HACD2: variants seen among roughly 807,000 people sequenced by gnomAD.
The protein encoded by HACD2 is 3-hydroxyacyl-CoA dehydratase 2.
HACD2 carries 15 observed loss-of-function variants against 31.0 expected under a neutral mutation model. That is an observed-to-expected ratio of 0.48 (90% CI 0.32 to 0.75). HACD2 has a LOEUF of 0.75. HACD2 is among the 30% of genes least tolerant of loss of function. The pLI, the probability that HACD2 is intolerant of heterozygous loss-of-function variation, is 0.03. For synonymous variants in HACD2, 115 were observed against 122.2 expected, an observed-to-expected ratio of 0.94 and a Z score of 0.39; for missense variants, 283 against 313.0, an observed-to-expected ratio of 0.90 and a Z score of 0.72.
intron 1 of HACD2, 87 bp downstream of exon 1, chr3:123,584,786 C>T (rs2057009360): frequency 2.7e-6 from 3 of 1,103,128 alleles, no homozygotes; most frequent in Non-Finnish European, 3.6e-6. Flanking sequence ...TGCGGCGGGC[C>T]GCGCCGATCC....
At chr3:123,525,011 A>T (rs2107703337) in intron 4 of HACD2, among the ~76,000 whole-genome samples, 1 of 152,360 alleles carries the variant, frequency 6.6e-6, no homozygotes, top group East Asian at 1.9e-4. Context: ...GTAAACTATA[A>T]CATATCAAAC....
intron 3 of HACD2, among the ~76,000 whole-genome samples, chr3:123,538,560 TAC>T (rs1300034771): frequency 1.3e-5 from 2 of 152,180 alleles, no homozygotes; most frequent in African/African-American, 2.4e-5. Context: ...CAAAACTAAG[TAC>T]AGAGGTGCTT....
intron 4 of HACD2, among the ~76,000 whole-genome samples, chr3:123,517,445 G>T (rs2056151946): frequency 6.6e-6 from 1 of 152,154 alleles, no homozygotes; most frequent in Non-Finnish European, 1.5e-5. Context: ...CATCAGAATG[G>T]AGTCATATTT....
chr3:123,495,008 A>G (rs2055815669), intron 6 of HACD2, 38 bp from the exon 7 acceptor site: 1 of 1,218,084 alleles, frequency 8.2e-7, no homozygotes, highest in African/African-American at 1.5e-5. Context: ...AGGATGGTTT[A>G]AAATTGCATA....
chr3:123,575,574 A>G (rs916402543), intron 2 of HACD2, among the ~76,000 whole-genome samples: 11 of 152,238 alleles, frequency 7.2e-5, no homozygotes, highest in African/African-American at 1.4e-4. Flanking sequence ...ATTTATTTAT[A>G]TAACAGTTAC....
At chr3:123,543,911 T>G (rs1259315768) in intron 3 of HACD2, among the ~76,000 whole-genome samples, 2 of 152,232 alleles carry the variant, frequency 1.3e-5, no homozygotes, top group East Asian at 3.8e-4. Context: ...TTTCCCTTTC[T>G]GTCATTTATA....
At chr3:123,577,409 C>T (rs1386792460) in intron 2 of HACD2, among the ~76,000 whole-genome samples, 1 of 152,120 alleles carries the variant, frequency 6.6e-6, no homozygotes, top group East Asian at 1.9e-4. Context: ...ATCATGAGGT[C>T]AGGAGATCGA....
chr3:123,546,322 C>A (rs907181163), intron 3 of HACD2, among the ~76,000 whole-genome samples: 3 of 152,140 alleles, frequency 2.0e-5, no homozygotes, highest in Non-Finnish European at 1.5e-5. Context: ...CCATCCAAAC[C>A]CTTGTGGCAG....
intron 1 of HACD2, chr3:123,584,591 T>G: frequency 3.6e-6 from 1 of 276,774 alleles, no homozygotes; most frequent in Non-Finnish European, 6.7e-6. Flanking sequence ...AGCCCCACCT[T>G]TCCTCCCGCG....
At chr3:123,571,223 A>AT (rs1405879778) in intron 2 of HACD2, among the ~76,000 whole-genome samples, 3 of 152,228 alleles carry the variant, frequency 2.0e-5, no homozygotes, top group Admixed American at 6.5e-5. Flanking sequence ...TTCTCGTTTC[A>AT]TACCAATGAT....
In HACD2 at chr3:123,493,987, G is replaced by A. The variant is rs1221892101; in HGVS notation, c.*901C>T. 1 of 152,188 alleles carries A rather than the reference G, an allele frequency of 6.6e-6. No individual in the cohort carries two copies. The highest frequency in any genetic ancestry group is 1.5e-5 in the Non-Finnish European group (1 of 68,058). The allele number at this position is 152,188 out of a possible 1,614,324, so 9.4% of individuals were successfully genotyped here. On this transcript the variant is annotated 3_prime_UTR_variant, in exon 7 of 7. Transcript: ENST00000383657. ...CCTTCCATGTGCTTTCACTAACACA[G>A]CCTCCTTTCCTATGTGACTGGATCC...
chr3:123,554,571 A>T (rs1426941008), intron 3 of HACD2, among the ~76,000 whole-genome samples: 1 of 152,190 alleles, frequency 6.6e-6, no homozygotes, highest in Non-Finnish European at 1.5e-5. Flanking sequence ...CAGCAAATAT[A>T]ACAGAGTATG....
intron 3 of HACD2, among the ~76,000 whole-genome samples, chr3:123,551,770 A>C (rs1376773141): frequency 3.9e-5 from 6 of 152,258 alleles, no homozygotes; most frequent in African/African-American, 1.4e-4. Context: ...TCACAGCTGT[A>C]TAAACATTAA....
intron 6 of HACD2, among the ~76,000 whole-genome samples, chr3:123,496,474 C>A (rs193079021): frequency 6.6e-6 from 1 of 152,152 alleles, no homozygotes; most frequent in African/African-American, 2.4e-5. Context: ...GACACCAGTG[C>A]GTGTGTGACA....
chr3:123,523,049 C>G (rs771246692), intron 4 of HACD2, among the ~76,000 whole-genome samples: 1 of 152,174 alleles, frequency 6.6e-6, no homozygotes, highest in Non-Finnish European at 1.5e-5. Context: ...CACAACACAG[C>G]TATCAGGGAT....
chr3:123,539,454 C>T (rs1039417974), intron 3 of HACD2, among the ~76,000 whole-genome samples: 3 of 151,834 alleles, frequency 2.0e-5, no homozygotes, highest in Non-Finnish European at 2.9e-5. Flanking sequence ...CCTATAGTCC[C>T]AGCTACTCGG....
intron 3 of HACD2, among the ~76,000 whole-genome samples, chr3:123,536,921 T>C (rs941504211): frequency 3.9e-5 from 6 of 152,328 alleles, no homozygotes; most frequent in Non-Finnish European, 5.9e-5. Context: ...ATAATGCTTA[T>C]GTGACCTTGA....
rs1351378572 is a variant in HACD2, at chr3:123,494,385, A to G, written c.*503T>C. ...GGGGATAGGTCCCAGCCATAACTTC[A>G]GAGCATTCCAGAGAACAGAGTTTGC... On this transcript the variant is annotated 3_prime_UTR_variant, in exon 7 of 7. Coordinates refer to ENST00000383657, the MANE Select transcript of HACD2 (RefSeq NM_198402.5). 1.2e-5 allele frequency: 2 copies of G among 169,296 alleles called. No homozygotes were observed. Among genetic ancestry groups the G allele is most frequent in the East Asian group, 3.7e-4 (2 of 5,392 alleles). The allele number at this position is 169,296 out of a possible 1,614,324, so 10.5% of individuals were successfully genotyped here.
intron 3 of HACD2, among the ~76,000 whole-genome samples, chr3:123,566,368 T>C (rs1002323499): frequency 6.6e-6 from 1 of 151,950 alleles, no homozygotes; most frequent in Non-Finnish European, 1.5e-5. Context: ...CACTGAAGCC[T>C]CAACCTCCTG....
Sources: gnomAD v4.1 joint callset for allele counts (sites outside exome capture counted in the v4.1 genomes callset) on GRCh38, gnomAD v4.1.1 for gene constraint, MANE v1.5 for transcripts, NCBI Gene and HGNC (gene_info 2026-07-23, HGNC 2026-07-21) for gene names.